The following SGMS1 variants were observed in gnomAD, a reference collection of about 807,000 sequenced individuals.
SGMS1 encodes the protein phosphatidylcholine:ceramide cholinephosphotransferase 1.
A neutral mutation model predicts 46.2 loss-of-function variants in SGMS1; 13 were observed. The observed-to-expected ratio is 0.28, with a 90% CI of 0.18 to 0.45. The LOEUF (loss-of-function observed/expected upper bound fraction) is 0.45, where lower values mean the gene tolerates loss of function less well. Among genes scored for constraint, SGMS1 ranks in the 20% least tolerant of loss-of-function variants. The probability of loss-of-function intolerance (pLI) is 1.00; values close to 1 mark genes in which losing one functional copy is unlikely to be tolerated. For synonymous variants in SGMS1, 203 were observed against 187.8 expected, an observed-to-expected ratio of 1.08 and a Z score of -0.66; for missense variants, 324 against 519.9, an observed-to-expected ratio of 0.62 and a Z score of 3.66.
At chr10:50,494,184 T>G (rs1480821828) in intron 3 of SGMS1, among the ~76,000 whole-genome samples, 1 of 152,022 alleles carries the variant, frequency 6.6e-6, no homozygotes, top group Non-Finnish European at 1.5e-5. Context: ...TTGGTGGGAG[T>G]GTAAATTAGT....
intron 3 of SGMS1, among the ~76,000 whole-genome samples, chr10:50,516,276 TTC>T (rs1232188264): frequency 6.6e-6 from 1 of 152,234 alleles, no homozygotes; most frequent in African/African-American, 2.4e-5. Context: ...TCATGCTGCT[TTC>T]TATGCCTATT....
chr10:50,456,418 T>C (rs1837191830), intron 5 of SGMS1, among the ~76,000 whole-genome samples: 1 of 152,190 alleles, frequency 6.6e-6, no homozygotes, highest in South Asian at 2.1e-4. Flanking sequence ...GTGAGGATCA[T>C]AGTGATTTAA....
At chr10:50,461,439 T>C (rs1284851019) in intron 4 of SGMS1, among the ~76,000 whole-genome samples, 1 of 152,206 alleles carries the variant, frequency 6.6e-6, no homozygotes, top group Non-Finnish European at 1.5e-5. Flanking sequence ...TTTGTACTTA[T>C]ATGTGAAAGA....
At chr10:50,521,402 T>C (rs1837855804) in intron 2 of SGMS1, among the ~76,000 whole-genome samples, 1 of 152,240 alleles carries the variant, frequency 6.6e-6, no homozygotes, top group Non-Finnish European at 1.5e-5. Flanking sequence ...TTCCTAAGAA[T>C]AAGAATATTC....
At chr10:50,551,377 T>C (rs1466167607) in intron 2 of SGMS1, among the ~76,000 whole-genome samples, 1 of 150,702 alleles carries the variant, frequency 6.6e-6, no homozygotes, top group Non-Finnish European at 1.5e-5. Context: ...GTCAAGGTCA[T>C]GAAAAACCAG....
chr10:50,376,471 T>C (rs1431410136), intron 6 of SGMS1, among the ~76,000 whole-genome samples: 1 of 152,202 alleles, frequency 6.6e-6, no homozygotes, highest in East Asian at 1.9e-4. Flanking sequence ...CTAGGGTACA[T>C]GTGCACAACG....
intron 8 of SGMS1, among the ~76,000 whole-genome samples, chr10:50,325,435 T>C (rs1847515828): frequency 1.3e-5 from 2 of 152,202 alleles, no homozygotes; most frequent in South Asian, 4.1e-4. Flanking sequence ...AAGATCCTCA[T>C]AGAATGAGGG....
In SGMS1 at chr10:50,317,155, A is replaced by ACC. The variant is rs1847353469; in HGVS notation, c.742-5741_742-5740insGG. On this transcript the variant is annotated intron_variant, in intron 8 of 10. Transcript: ENST00000361781. The stretch of plus-strand genomic sequence containing the variant: ...AAGTTATGAAATGTCCTTTAGCCTG[A>ACC]CTTTGTAGTCCCCACCAGGAAGGTA... Among the ~76,000 whole-genome samples the ACC allele has an allele frequency of 2.0e-5, 3 of 152,308 alleles. No homozygotes were observed. In the East Asian group the frequency reaches 5.8e-4, roughly 29 times the overall value.
chr10:50,327,334 G>T lies in SGMS1; in HGVS notation c.624-12C>A. 2 of 1,412,528 alleles carry T rather than the reference G, an allele frequency of 1.4e-6. No individual in the cohort carries two copies. Among genetic ancestry groups the T allele is most frequent in the Non-Finnish European group, 2.0e-6 (2 of 1,002,472 alleles). 87.5% of individuals were successfully genotyped at this position (1,412,528 alleles called of 1,614,324 possible). A position where few individuals can be genotyped will look rare whatever the true frequency, so the allele number is the denominator to read the frequency against. Reference sequence around the variant, plus strand: ...TGCTAATAATAGACCTAGAAAAAGGGAAAAACAGGGCAGATTCTCAGTCAA... The same window carrying T: ...TGCTAATAATAGACCTAGAAAAAGGTAAAAACAGGGCAGATTCTCAGTCAA... On this transcript the variant is annotated splice_polypyrimidine_tract_variant and intron_variant, in intron 7 of 10. Transcript: ENST00000361781.
chr10:50,556,858 G>A (rs772511015), intron 2 of SGMS1, among the ~76,000 whole-genome samples: 9 of 152,236 alleles, frequency 5.9e-5, no homozygotes, highest in African/African-American at 2.2e-4. Context: ...AGGAAATGCC[G>A]TCCTGCAGAG....
chr10:50,332,780 G>A (rs1847649446), intron 7 of SGMS1, among the ~76,000 whole-genome samples: 3 of 151,566 alleles, frequency 2.0e-5, no homozygotes, highest in African/African-American at 7.3e-5. Flanking sequence ...AGGCCACCAT[G>A]GCTGGCTAAT....
At chr10:50,491,958 G>A (rs1436575277) in intron 3 of SGMS1, among the ~76,000 whole-genome samples, 1 of 152,150 alleles carries the variant, frequency 6.6e-6, no homozygotes, top group Non-Finnish European at 1.5e-5. Context: ...ACATCAAGAA[G>A]CTTATCCATC....
At chr10:50,435,231 T>A (rs897623881) in intron 5 of SGMS1, among the ~76,000 whole-genome samples, 2 of 152,222 alleles carry the variant, frequency 1.3e-5, no homozygotes, top group African/African-American at 4.8e-5. Context: ...AGTTTCCAAG[T>A]CTGTAAAATA....
intron 6 of SGMS1, among the ~76,000 whole-genome samples, chr10:50,411,565 T>C (rs1292985758): frequency 2.0e-5 from 3 of 152,206 alleles, no homozygotes; most frequent in Non-Finnish European, 4.4e-5. Context: ...TCTAGTCTCA[T>C]CCATATCTGA....
intron 1 of SGMS1, among the ~76,000 whole-genome samples, chr10:50,594,594 A>G (rs940690701): frequency 1.3e-5 from 2 of 152,214 alleles, no homozygotes; most frequent in Non-Finnish European, 2.9e-5. Context: ...AAAATTCTCA[A>G]TTATTTTCTC....
At chr10:50,516,603 G>GT (rs1004720009) in intron 3 of SGMS1, among the ~76,000 whole-genome samples, 1 of 152,144 alleles carries the variant, frequency 6.6e-6, no homozygotes. Flanking sequence ...CGGCAAAAGT[G>GT]TAAGGATATA....
intron 5 of SGMS1, among the ~76,000 whole-genome samples, chr10:50,446,649 G>A (rs769135104): frequency 6.6e-6 from 1 of 152,160 alleles, no homozygotes; most frequent in Non-Finnish European, 1.5e-5. Context: ...GACACCAGGA[G>A]CATAAGCACA....
intron 3 of SGMS1, among the ~76,000 whole-genome samples, chr10:50,515,799 C>T (rs79416927): frequency 1.1e-3 from 165 of 152,302 alleles, no homozygotes; most frequent in African/African-American, 3.8e-3. Context: ...TACAAGGACA[C>T]AGTTGGAAGT....
chr10:50,437,435 C>G (rs1203409), intron 5 of SGMS1, among the ~76,000 whole-genome samples: 31,333 of 152,198 alleles, frequency 0.21, 3,471 homozygotes, highest in Non-Finnish European at 0.25. Context: ...CTCAAGATTA[C>G]TTAGCTAATA....
Sources: allele counts gnomAD v4.1 joint callset (sites outside exome capture counted in the v4.1 genomes callset), GRCh38; gene constraint gnomAD v4.1.1; transcripts MANE v1.5; gene names NCBI Gene and HGNC (gene_info 2026-07-23, HGNC 2026-07-21).